EVC2: variants seen among roughly 807,000 people sequenced by gnomAD.
EVC2 encodes the protein limbin.
A neutral mutation model predicts 149.3 loss-of-function variants in EVC2; 148 were observed. That is an observed-to-expected ratio of 0.99 (90% CI 0.87 to 1.14). EVC2 has a LOEUF of 1.14. Among genes scored for constraint, EVC2 ranks in the 50% most tolerant of loss-of-function variants. EVC2 has a pLI of 0.00. For missense variants in EVC2, 1,854 were observed against 1,627.3 expected (o/e 1.14, Z -2.40); for synonymous variants, 776 against 649.9 (o/e 1.19, Z -2.95).
At chr4:5,648,684 T>C (rs1401188292) in intron 9 of EVC2, among the ~76,000 whole-genome samples, 4 of 152,148 alleles carry the variant, frequency 2.6e-5, no homozygotes, top group South Asian at 2.1e-4. Context: ...GGCTGCAGAA[T>C]AGAGTCAGGG....
At chr4:5,619,531 C>T (rs1715526927) in intron 14 of EVC2, among the ~76,000 whole-genome samples, 1 of 152,206 alleles carries the variant, frequency 6.6e-6, no homozygotes, top group Non-Finnish European at 1.5e-5. Flanking sequence ...GAGCATGGTT[C>T]TGCCAATGCC....
chr4:5,605,242 A>G (rs1423471861), intron 16 of EVC2, among the ~76,000 whole-genome samples: 2 of 152,232 alleles, frequency 1.3e-5, no homozygotes, highest in Non-Finnish European at 2.9e-5. Flanking sequence ...CATCACGCGC[A>G]GGACTTAGCC....
chr4:5,530,176 A>T, the EVC2 span, among the ~76,000 whole-genome samples: 3 of 152,166 alleles, frequency 2.0e-5, no homozygotes, highest in Non-Finnish European at 4.4e-5. Context: ...GCAATTCAAT[A>T]AAAGCATAAG....
chr4:5,533,179 G>A, the EVC2 span, among the ~76,000 whole-genome samples: 1 of 152,038 alleles, frequency 6.6e-6, no homozygotes, highest in Non-Finnish European at 1.5e-5. Flanking sequence ...AAATCAATGA[G>A]GGGAAAGGGA....
intron 9 of EVC2, among the ~76,000 whole-genome samples, chr4:5,658,381 G>C (rs192126633): frequency 6.6e-6 from 1 of 152,328 alleles, no homozygotes; most frequent in African/African-American, 2.4e-5. Flanking sequence ...TTTCTCTAAA[G>C]TGTTTACAAA....
At chr4:5,530,274 A>G in the EVC2 span, among the ~76,000 whole-genome samples, 2 of 152,200 alleles carry the variant, frequency 1.3e-5, no homozygotes, top group South Asian at 4.1e-4. Flanking sequence ...GCCATTCTTC[A>G]ATGCTTCCTT....
Position 5,576,542 on chromosome 4 carries a change from C to G in EVC2, c.3058-88G>C. 6.5e-7 allele frequency: 1 copy of G among 1,533,724 alleles called. No homozygotes were observed. Among genetic ancestry groups the G allele is most frequent in the Non-Finnish European group, 8.7e-7 (1 of 1,146,142 alleles). On this transcript the variant is annotated intron_variant, in intron 17 of 21. Transcript: ENST00000344408. This position sits in a 1 kb window ranked among gnomAD's most constrained non-coding sequence, Gnocchi z 4.5. ...ATCTGACCTCCTGGGTGTCTTGCTA[C>G]AAGTCTGGCATGACTCTGTCTTGCC... is the stretch of plus-strand genomic sequence containing the variant.
chr4:5,625,304 CCATACACACACACA>C lies in EVC2; in HGVS notation c.2046+431_2046+444del, dbSNP rs1716021433. 8.0e-6 allele frequency among the ~76,000 whole-genome samples: 1 copy of C among 125,512 alleles called. No homozygotes were observed. The highest frequency in any genetic ancestry group is 1.6e-5 in the Non-Finnish European group (1 of 61,272). The allele number at this position is 125,512 out of a possible 152,430, so 82.3% of individuals were successfully genotyped here. ...CCACTTACTAGATATTTGACCTTGA[CCATACACACACACA>C]CACACACACACACACACACACACAC... On this transcript the variant is annotated intron_variant, in intron 13 of 21. Coordinates refer to ENST00000344408, the MANE Select transcript of EVC2 (RefSeq NM_147127.5). This position sits in a 1 kb window ranked among gnomAD's most constrained non-coding sequence, Gnocchi z 4.0.
At chr4:5,594,234 G>A (rs1197633233) in intron 16 of EVC2, among the ~76,000 whole-genome samples, 9 of 152,298 alleles carry the variant, frequency 5.9e-5, no homozygotes, top group East Asian at 1.9e-4. Flanking sequence ...CTCCCAGCAC[G>A]CAGCTGGAGA....
At position 5,569,174 on chromosome 4, in the gene EVC2, C is replaced by T. The variant is rs1448547294; in HGVS notation, c.3361-534G>A. 6.6e-6 allele frequency among the ~76,000 whole-genome samples: 1 copy of T among 152,210 alleles called. No individual in the cohort carries two copies. The highest frequency in any genetic ancestry group is 1.9e-4 in the East Asian group (1 of 5,178). The stretch of plus-strand genomic sequence containing the variant: ...AGGTCACGTGCTGCGTGATTCCATG[C>T]ATGTAACCACCTGGGCGTGATGAGA... On this transcript the variant is annotated intron_variant, in intron 19 of 21. Coordinates refer to ENST00000344408, the MANE Select transcript of EVC2 (RefSeq NM_147127.5). The surrounding 1 kb of genome is among the most constrained non-coding windows in gnomAD (Gnocchi z 4.8).
In EVC2 at chr4:5,552,814, T is replaced by C. The variant is rs184833638; in HGVS notation, c.3420-9602A>G. Among the ~76,000 whole-genome samples the C allele has an allele frequency of 7.2e-4, 109 of 152,172 alleles. No homozygotes were observed. In the East Asian group the frequency reaches 8.1e-3, roughly 11 times the overall value. On this transcript the variant is annotated intron_variant and NMD_transcript_variant, in intron 21 of 22. Transcript: ENST00000475313. ...CAGAATACTGAAGAGGAAGCCGAGG[T>C]AGAGAGACAAAGAACACTAGATAGC...
At chr4:5,540,725 A>C (rs1577084992), downstream of EVC2, among the ~76,000 whole-genome samples, 1 of 152,182 alleles carries the variant, frequency 6.6e-6, no homozygotes, top group East Asian at 1.9e-4. Context: ...GGAGATGTTC[A>C]TTGTCTTGAT....
rs151231386 is a variant in EVC2 at position 5,685,464 on chromosome 4, G to A, written c.722C>T (p.Ala241Val). ...CTGGAGCGTGGCTGCGTAGCTGACA[G>A]CAAAGGCATCTCCCACTGCGCAGAG... ...KKFLQVGDAF[A>V]VSYAATLQAG... is the part of the protein sequence containing the mutation. The change falls in exon 6 of 22, where the codon GCT becomes GTT. Residue 241 changes from alanine to valine, a missense_variant. By Grantham distance (64) the Ala-to-Val change is moderately conservative (BLOSUM62 0). Transcript: ENST00000344408. 3.7e-6 allele frequency: 6 copies of A among 1,614,070 alleles called. No individual in the cohort carries two copies. In the African/African-American group the frequency reaches 5.3e-5, roughly 14 times the overall value.
chr4:5,617,358 C>T (rs890141843), intron 15 of EVC2, among the ~76,000 whole-genome samples: 1 of 152,160 alleles, frequency 6.6e-6, no homozygotes, highest in African/African-American at 2.4e-5. Context: ...CAGGTGAGAT[C>T]ATGTAAGCTT....
Position 5,545,850 on chromosome 4 carries a change from A to G in EVC2, c.3420-2638T>C, listed in dbSNP as rs1721606426. 2.0e-5 allele frequency among the ~76,000 whole-genome samples: 3 copies of G among 152,232 alleles called. No individual in the cohort carries two copies. In the South Asian group the frequency reaches 6.2e-4, roughly 32 times the overall value. On this transcript the variant is annotated intron_variant and NMD_transcript_variant, in intron 21 of 22. Coordinates refer to the EVC2 transcript ENST00000475313. ...GAGGTAAGGTGCTGCAGGGATGAGG[A>G]AGAGAGGAGAATTGGGAAATGATTT...
Position 5,562,507 on chromosome 4 carries a change from A to C in EVC2, c.*341T>G. ...ATAGAATATGTAACAAATACAAAAC[A>C]TAAGAGTAGAGAATCTGGCTGTCAC... On this transcript the variant is annotated 3_prime_UTR_variant, in exon 22 of 22. Coordinates refer to ENST00000344408, the MANE Select transcript of EVC2 (RefSeq NM_147127.5). The surrounding 1 kb of genome is among the most constrained non-coding windows in gnomAD (Gnocchi z 4.3). The C allele has an allele frequency of 8.7e-7, 1 of 1,154,816 alleles. No individual in the cohort carries two copies. Among genetic ancestry groups the C allele is most frequent in the Non-Finnish European group, 1.1e-6 (1 of 934,888 alleles). 71.5% of individuals were successfully genotyped at this position (1,154,816 alleles called of 1,614,324 possible). A position where few individuals can be genotyped will look rare whatever the true frequency, so the allele number is the denominator to read the frequency against.
intron 21 of EVC2, among the ~76,000 whole-genome samples, chr4:5,553,974 T>G (rs1317085471): frequency 6.9e-6 from 1 of 144,014 alleles, no homozygotes; most frequent in Non-Finnish European, 1.5e-5. Flanking sequence ...AATGAAAGAA[T>G]TCACAAGTGA....
chr4:5,687,451 T>G (rs1052106562), intron 5 of EVC2, among the ~76,000 whole-genome samples: 4 of 151,822 alleles, frequency 2.6e-5, no homozygotes, highest in Non-Finnish European at 2.9e-5. Flanking sequence ...AGACATGCAG[T>G]GTGCACGTGC....
chr4:5,706,061 C>T (rs1047014791), intron 1 of EVC2, among the ~76,000 whole-genome samples: 15 of 152,170 alleles, frequency 9.9e-5, no homozygotes, highest in Admixed American at 2.0e-4. Context: ...CTCCTACATG[C>T]GGGCCACACC....
Sources: gnomAD v4.1 joint callset for allele counts (sites outside exome capture counted in the v4.1 genomes callset) on GRCh38, gnomAD v4.1.1 for gene constraint, Gnocchi (gnomAD v3.1) non-coding constraint, MANE v1.5 for transcripts, NCBI Gene and HGNC (gene_info 2026-07-23, HGNC 2026-07-21) for gene names.